The following THSD7A variants were observed in gnomAD, a reference collection of about 807,000 sequenced individuals.
The protein encoded by THSD7A is thrombospondin type-1 domain-containing protein 7A.
In THSD7A, 96 loss-of-function variants were observed where a neutral mutation model predicts 231.3. The ratio of observed to expected loss-of-function variants is 0.41; its 90% confidence interval spans 0.35 to 0.49. THSD7A has a LOEUF of 0.49. Ranked by LOEUF, THSD7A falls within the 20% of genes least tolerant of loss-of-function variation. The probability of loss-of-function intolerance (pLI) is 0.05; values close to 1 mark genes in which losing one functional copy is unlikely to be tolerated. For missense variants in THSD7A, 2,290 were observed against 2,070.2 expected, an observed-to-expected ratio of 1.11 and a Z score of -2.06; for synonymous variants, 940 against 743.3, an observed-to-expected ratio of 1.26 and a Z score of -4.30.
At chr7:11,771,509 C>G (rs1478728980) in intron 1 of THSD7A, among the ~76,000 whole-genome samples, 1 of 151,764 alleles carries the variant, frequency 6.6e-6, no homozygotes, top group East Asian at 1.9e-4. Flanking sequence ...ATAACAATCT[C>G]TAAGTTATGA....
chr7:11,430,761 C>T (rs528372962), intron 13 of THSD7A, among the ~76,000 whole-genome samples: 1 of 152,318 alleles, frequency 6.6e-6, no homozygotes, highest in African/African-American at 2.4e-5. Flanking sequence ...ACCACCATGC[C>T]TGGCTTGGCT....
intron 1 of THSD7A, chr7:11,821,180 C>G (rs1283748305): frequency 8.7e-7 from 1 of 1,153,522 alleles, no homozygotes; most frequent in East Asian, 2.4e-5. Flanking sequence ...CCTGAGGACC[C>G]AAAGTGATGC....
In THSD7A at chr7:11,668,373, G is replaced by A. The variant is rs538438911; in HGVS notation, c.191-31412C>T. 7.3e-4 allele frequency among the ~76,000 whole-genome samples: 111 copies of A among 151,860 alleles called. 1 individual carries two copies. The highest frequency in any genetic ancestry group is 2.5e-3 in the African/African-American group (103 of 41,398). On this transcript the variant is annotated intron_variant, in intron 1 of 27. Transcript: ENST00000423059. ...GCGGAGGTTGCAGTGAGCCAAGATC[G>A]TGCCATTGCACTCTGCCCTGGGCAA... is the stretch of plus-strand genomic sequence containing the variant.
rs1784528497 is a variant in THSD7A at position 11,811,554 on chromosome 7, T to A, written c.190+20203A>T. On this transcript the variant is annotated intron_variant, in intron 1 of 27. Coordinates refer to ENST00000423059, the MANE Select transcript of THSD7A (RefSeq NM_015204.3). ...CCTAATTTTCATCTCCTTCATCATA[T>A]GCCCTAAGATATGTAGTATCTTCAG... Among the ~76,000 whole-genome samples the A allele has an allele frequency of 2.0e-5, 3 of 152,180 alleles. No homozygotes were observed. In the South Asian group the frequency reaches 6.2e-4, roughly 31 times the overall value.
intron 1 of THSD7A, chr7:11,820,668 C>T (rs1226897983): frequency 2.4e-6 from 2 of 824,888 alleles, no homozygotes; most frequent in Admixed American, 3.7e-5. Flanking sequence ...CTTGGACCCA[C>T]AAAGACTTTA....
intron 1 of THSD7A, among the ~76,000 whole-genome samples, chr7:11,740,549 C>T (rs1371327102): frequency 6.6e-6 from 1 of 151,892 alleles, no homozygotes; most frequent in Admixed American, 6.6e-5. Flanking sequence ...TTCTTTTCCC[C>T]CTCAGCAGCT....
At chr7:11,759,332 C>A (rs1237601361) in intron 1 of THSD7A, among the ~76,000 whole-genome samples, 1 of 151,978 alleles carries the variant, frequency 6.6e-6, no homozygotes, top group East Asian at 1.9e-4. Context: ...ATGATCACAA[C>A]TAAAAGGTAT....
rs1783626394 is a variant in THSD7A, at chr7:11,407,494, G to T, written c.3799-71C>A. On this transcript the variant is annotated intron_variant, in intron 19 of 27. Transcript: ENST00000423059. Reference sequence around the variant, plus strand: ...AGGGAGCCAGAGAATGAGGTGACAAGAAAGAAGAGAAGGAGGGAGAAAAAG... The same window carrying T: ...AGGGAGCCAGAGAATGAGGTGACAATAAAGAAGAGAAGGAGGGAGAAAAAG... 3 of 1,139,378 alleles carry T rather than the reference G, an allele frequency of 2.6e-6. No homozygotes were observed. The South Asian group carries it at 4.0e-5, about 15-fold the overall frequency. 70.6% of individuals were successfully genotyped at this position (1,139,378 alleles called of 1,614,324 possible). A position where few individuals can be genotyped will look rare whatever the true frequency, so the allele number is the denominator to read the frequency against.
rs749551784 is a variant in THSD7A, at chr7:11,373,019, G to A, written c.*2775C>T. 2 of 151,294 alleles carry A rather than the reference G, an allele frequency of 1.3e-5. No individual in the cohort carries two copies. The highest frequency in any genetic ancestry group is 2.9e-5 in the Non-Finnish European group (2 of 67,810). 9.4% of individuals were successfully genotyped at this position (151,294 alleles called of 1,614,324 possible). The stretch of plus-strand genomic sequence containing the variant: ...CCTTCCAATATGTTCTCTAATATTA[G>A]GTCATGTTGAACCTAATTTCCTCTC... On this transcript the variant is annotated 3_prime_UTR_variant, in exon 28 of 28. Coordinates refer to ENST00000423059, the MANE Select transcript of THSD7A (RefSeq NM_015204.3).
At chr7:11,398,967 T>A (rs774279884) in intron 23 of THSD7A, among the ~76,000 whole-genome samples, 4 of 152,238 alleles carry the variant, frequency 2.6e-5, no homozygotes, top group Admixed American at 6.5e-5. Flanking sequence ...CGTTGTTTAC[T>A]ACTCTAATCT....
At chr7:11,671,531 T>C (rs1003347856) in intron 1 of THSD7A, among the ~76,000 whole-genome samples, 1 of 152,316 alleles carries the variant, frequency 6.6e-6, no homozygotes, top group African/African-American at 2.4e-5. Flanking sequence ...TGCAGTTTGC[T>C]GAATTGTCGT....
At chr7:11,386,905 G>A (rs555240736) in intron 23 of THSD7A, among the ~76,000 whole-genome samples, 2 of 152,058 alleles carry the variant, frequency 1.3e-5, no homozygotes, top group African/African-American at 2.4e-5. Context: ...TAAGGAAGGG[G>A]TCCAGTTTCA....
At chr7:11,775,207 T>C (rs1174606325) in intron 1 of THSD7A, among the ~76,000 whole-genome samples, 3 of 152,174 alleles carry the variant, frequency 2.0e-5, no homozygotes, top group Non-Finnish European at 2.9e-5. Flanking sequence ...CAAGTGTTAA[T>C]AAGGATGTGA....
intron 2 of THSD7A, among the ~76,000 whole-genome samples, chr7:11,593,775 A>G (rs1395311865): frequency 6.6e-6 from 1 of 152,266 alleles, no homozygotes. Context: ...AGCTAAGTTT[A>G]CCATACTGTT....
At chr7:11,734,983 C>A (rs1488270136) in intron 1 of THSD7A, among the ~76,000 whole-genome samples, 1 of 151,868 alleles carries the variant, frequency 6.6e-6, no homozygotes, top group East Asian at 1.9e-4. Context: ...GGGACTTGCC[C>A]ACCTATATAA....
chr7:11,540,187 TA>T (rs1276163060), intron 6 of THSD7A, among the ~76,000 whole-genome samples: 7 of 152,112 alleles, frequency 4.6e-5, no homozygotes, highest in African/African-American at 1.7e-4. Flanking sequence ...GCAGAATATA[TA>T]AAATTCATCA....
intron 2 of THSD7A, among the ~76,000 whole-genome samples, chr7:11,603,642 T>C (rs1780629590): frequency 6.6e-6 from 1 of 151,454 alleles, no homozygotes; most frequent in Admixed American, 6.6e-5. Flanking sequence ...TGTCCAACAA[T>C]GATAGACTGG....
rs142178917 is a variant in THSD7A, at chr7:11,552,216, C to A, written c.1454-9099G>T. Among the ~76,000 whole-genome samples, 521 of 152,020 alleles carry A rather than the reference C, an allele frequency of 3.4e-3. 3 individuals are homozygous for A. Among genetic ancestry groups the A allele is most frequent in the African/African-American group, 0.012 (497 of 41,472 alleles). ...GGATTGAAAAACGACCTATTGAGTA[C>A]TATGCTCATTACCTGGGTGATGAAA... On this transcript the variant is annotated intron_variant, in intron 4 of 27. Coordinates refer to ENST00000423059, the MANE Select transcript of THSD7A (RefSeq NM_015204.3).
At chr7:11,520,279 T>C (rs142627900) in intron 6 of THSD7A, 1 of 152,326 alleles carries the variant, frequency 6.6e-6, no homozygotes, top group Non-Finnish European at 1.5e-5. Context: ...TAGTTCTTTG[T>C]CTGCAAAATG....
Sources: gnomAD v4.1 joint callset for allele counts (sites outside exome capture counted in the v4.1 genomes callset) on GRCh38, gnomAD v4.1.1 for gene constraint, MANE v1.5 for transcripts, NCBI Gene and HGNC (gene_info 2026-07-23, HGNC 2026-07-21) for gene names.